LHX1: variants seen among roughly 807,000 people sequenced by gnomAD.
LHX1 encodes LIM/homeobox protein Lhx1.
LHX1 carries 9 observed loss-of-function variants against 34.1 expected under a neutral mutation model. That is an observed-to-expected ratio of 0.26 (90% CI 0.16 to 0.46). The LOEUF is 0.46. Among genes scored for constraint, LHX1 ranks in the 20% least tolerant of loss-of-function variants. LHX1 has a pLI of 1.00. For synonymous variants in LHX1, 254 were observed against 241.5 expected (o/e 1.05, Z -0.48); for missense variants, 446 against 559.1 (o/e 0.80, Z 2.04).
At position 36,940,379 on chromosome 17, in the gene LHX1, A is replaced by G; in HGVS notation, c.260A>G (p.Asn87Ser). Residue 87 changes from asparagine (N) to serine (S), a missense_variant, in exon 2 of 5, where the codon AAC becomes AGC. This residue lies in a region of LHX1 where 168 missense variants were observed against 226.6 expected (regional missense o/e 0.74). Coordinates refer to ENST00000614239, the MANE Select transcript of LHX1 (RefSeq NM_005568.5). ...RRARSKVFHL[N>S]CFTCMMCNKQ... ...GCGCGGAGCAAAGTGTTTCACCTGA[A>G]CTGCTTCACCTGCATGATGTGTAAC... The G allele has an allele frequency of 6.2e-7, 1 of 1,612,988 alleles. No homozygotes were observed. The highest frequency in any genetic ancestry group is 2.2e-5 in the East Asian group (1 of 44,810).
At position 36,938,468 on chromosome 17, in the gene LHX1, AC is replaced by A. The variant is rs2070743885; in HGVS notation, c.170+102del. On this transcript the variant is annotated intron_variant, in intron 1 of 4. Coordinates refer to ENST00000614239, the MANE Select transcript of LHX1 (RefSeq NM_005568.5). ...GCGTGGCCTCGCTGCCCAGTTAGGA[AC>A]TGCTTCTAGAGAGGGCAGCCAAGTC... is the stretch of plus-strand genomic sequence containing the variant. 5 of 1,266,944 alleles carry A rather than the reference AC, an allele frequency of 3.9e-6. No individual in the cohort carries two copies. In the East Asian group the frequency reaches 1.2e-4, roughly 30 times the overall value. 78.5% of individuals were successfully genotyped at this position (1,266,944 alleles called of 1,614,324 possible).
chr17:36,943,416 G>A lies in LHX1; in HGVS notation c.*285G>A, dbSNP rs2070781642. 5.2e-6 allele frequency: 2 copies of A among 387,516 alleles called. No individual in the cohort carries two copies. The highest frequency in any genetic ancestry group is 4.1e-5 in the East Asian group (1 of 24,652). The allele number at this position is 387,516 out of a possible 1,614,324, so 24.0% of individuals were successfully genotyped here. On this transcript the variant is annotated 3_prime_UTR_variant, in exon 5 of 5. Transcript: ENST00000614239. The stretch of plus-strand genomic sequence containing the variant: ...CCAACTCCCACCTGGACCCGGATCC[G>A]TAGACAGACCCCGCGGGCGTGTGCG...
At chr17:36,941,312 C>T (rs1218464791) in intron 3 of LHX1, 2 of 381,664 alleles carry the variant, frequency 5.2e-6, no homozygotes. Flanking sequence ...GCAACTCCAA[C>T]TTTGTGATCG....
In LHX1 at chr17:36,940,732, C is replaced by T. The variant is rs755972632; in HGVS notation, c.520C>T (p.Gln174Ter). Residue 174 changes from glutamine (Q) to a stop codon, truncating the protein, a stop_gained, in exon 3 of 5, where the codon CAG (glutamine) becomes TAG (stop). Coordinates refer to ENST00000614239, the MANE Select transcript of LHX1 (RefSeq NM_005568.5). LOFTEE classifies it high-confidence loss of function. ...AGCGGGTAGCAACGAGAATGACGAC[C>T]AGAACCTGGGCGCCAAGCGGCGGGG... ...KEAGSNENDDQNLGAKRRGPR... is the reference protein window; with the variant it reads ...KEAGSNENDD 6.2e-7 allele frequency: 1 copy of T among 1,613,760 alleles called. No homozygotes were observed. Among genetic ancestry groups the T allele is most frequent in the Non-Finnish European group, 8.5e-7 (1 of 1,180,050 alleles).
At chr17:36,941,780 T>A (rs957161267) in intron 3 of LHX1, among the ~76,000 whole-genome samples, 1 of 152,182 alleles carries the variant, frequency 6.6e-6, no homozygotes, top group African/African-American at 2.4e-5. Context: ...TCATAGGCTG[T>A]TTCTGTGTCT....
rs754443317 is a variant in LHX1, at chr17:36,940,744, G to T, written c.532G>T (p.Ala178Ser). 1.2e-6 allele frequency: 2 copies of T among 1,613,678 alleles called. No individual in the cohort carries two copies. Among genetic ancestry groups the T allele is most frequent in the Non-Finnish European group, 1.7e-6 (2 of 1,180,040 alleles). ...CGAGAATGACGACCAGAACCTGGGC[G>T]CCAAGCGGCGGGGACCGCGCACCAC... ...SNENDDQNLG[A>S]KRRGPRTTIK... Residue 178 changes from alanine to serine, a missense_variant, in exon 3 of 5, where the codon GCC becomes TCC. Physicochemically the swap from Ala to Ser is moderately conservative, Grantham distance 99. Coordinates refer to ENST00000614239, the MANE Select transcript of LHX1 (RefSeq NM_005568.5).
intron 1 of LHX1, 77 bp downstream of exon 1, chr17:36,938,444 C>T (rs931058049): frequency 2.1e-6 from 3 of 1,453,296 alleles, no homozygotes; most frequent in East Asian, 2.3e-5. Flanking sequence ...CAGAGGTTAG[C>T]GTGGCCTCGC....
In LHX1 at chr17:36,937,648, AG is replaced by A. The variant is rs2070735776; in HGVS notation, c.-549del. On this transcript the variant is annotated 5_prime_UTR_variant, in exon 1 of 5. Transcript: ENST00000614239. ...TTCTTTCCTTCCCTTTTTTAAAAAAAGAGGGGGGAAATCCCAGTGGTGGGCA... is the reference window on the plus strand; with the variant it reads ...TTCTTTCCTTCCCTTTTTTAAAAAAAAGGGGGGAAATCCCAGTGGTGGGCA... The A allele has an allele frequency of 2.9e-6, 1 of 345,098 alleles. No individual in the cohort carries two copies. The allele number at this position is 345,098 out of a possible 1,614,324, so 21.4% of individuals were successfully genotyped here. A position where few individuals can be genotyped will look rare whatever the true frequency, so the allele number is the denominator to read the frequency against.
chr17:36,938,144 G>A lies in LHX1; in HGVS notation c.-54G>A. On this transcript the variant is annotated 5_prime_UTR_variant, in exon 1 of 5. Coordinates refer to ENST00000614239, the MANE Select transcript of LHX1 (RefSeq NM_005568.5). ...GATTGTCTTCAGGAGTCATCCCCTG[G>A]GCTCTACTTTGCCCCTCTCTCTCTC... is the stretch of plus-strand genomic sequence containing the variant. 1 of 1,574,268 alleles carries A rather than the reference G, an allele frequency of 6.4e-7. No individual in the cohort carries two copies. The highest frequency in any genetic ancestry group is 8.7e-7 in the Non-Finnish European group (1 of 1,145,834).
chr17:36,943,192 A>T lies in LHX1; in HGVS notation c.*61A>T. The T allele has an allele frequency of 7.2e-7, 1 of 1,386,830 alleles. No individual in the cohort carries two copies. 85.9% of individuals were successfully genotyped at this position (1,386,830 alleles called of 1,614,324 possible). On this transcript the variant is annotated 3_prime_UTR_variant, in exon 5 of 5. Coordinates refer to ENST00000614239, the MANE Select transcript of LHX1 (RefSeq NM_005568.5). ...ACAGAAATGAACCTTTATTTAAGAA[A>T]AATAGAAAAAAAAAAACATAAAAAG...
In LHX1 at chr17:36,937,650, AG is replaced by A. The variant is rs1277828309; in HGVS notation, c.-542del. 2.9e-5 allele frequency: 10 copies of A among 345,486 alleles called. No individual in the cohort carries two copies. Among genetic ancestry groups the A allele is most frequent in the Non-Finnish European group, 4.6e-5 (8 of 174,966 alleles). The allele number at this position is 345,486 out of a possible 1,614,324, so 21.4% of individuals were successfully genotyped here. A position where few individuals can be genotyped will look rare whatever the true frequency, so the allele number is the denominator to read the frequency against. ...CTTTCCTTCCCTTTTTTAAAAAAAG[AG>A]GGGGGAAATCCCAGTGGTGGGCAGC... On this transcript the variant is annotated 5_prime_UTR_variant, in exon 1 of 5. Coordinates refer to ENST00000614239, the MANE Select transcript of LHX1 (RefSeq NM_005568.5).
chr17:36,938,059 G>T lies in LHX1; in HGVS notation c.-139G>T, dbSNP rs912442807. The stretch of plus-strand genomic sequence containing the variant: ...ACCCTACTTTGATTTCCTGGTGCGA[G>T]TTTTGGCTTGCACGGCCGAGTGTGT... On this transcript the variant is annotated 5_prime_UTR_variant, in exon 1 of 5. Coordinates refer to ENST00000614239, the MANE Select transcript of LHX1 (RefSeq NM_005568.5). 27 of 806,868 alleles carry T rather than the reference G, an allele frequency of 3.3e-5. No homozygotes were observed. The African/African-American group carries it at 4.6e-4, about 14-fold the overall frequency. 50.0% of individuals were successfully genotyped at this position (806,868 alleles called of 1,614,324 possible).
intron 1 of LHX1, among the ~76,000 whole-genome samples, chr17:36,939,580 G>T (rs1484632770): frequency 6.6e-6 from 1 of 152,226 alleles, no homozygotes; most frequent in African/African-American, 2.4e-5. Flanking sequence ...ATCATAGCGG[G>T]AGGGTGGCAA....
rs1325106585 is a variant in LHX1 at position 36,942,849 on chromosome 17, C to T, written c.939C>T (p.Phe313=). 2.5e-6 allele frequency: 4 copies of T among 1,589,814 alleles called. No individual in the cohort carries two copies. Among genetic ancestry groups the T allele is most frequent in the South Asian group, 1.1e-5 (1 of 88,904 alleles). The change falls in exon 5 of 5, where the codon TTC becomes TTT. Residue 313 remains phenylalanine (F), a synonymous_variant. Transcript: ENST00000614239. ...SQAQTPVDLP[F]VPSSGPSGTP... ...CCCAGACACCAGTGGACCTACCCTT[C>T]GTGCCGTCATCTGGGCCGTCCGGGA...
At chr17:36,942,434 C>T (rs2070771821) in intron 4 of LHX1, 69 bp downstream of exon 4, 3 of 1,457,090 alleles carry the variant, frequency 2.1e-6, no homozygotes, top group Non-Finnish European at 2.8e-6. Flanking sequence ...GGTGGCAGCG[C>T]GGGGGGGCAC....
Position 36,943,766 on chromosome 17 carries a change from T to C in LHX1, c.*635T>C, listed in dbSNP as rs2142187901. The stretch of plus-strand genomic sequence containing the variant: ...TTTGCCAAAATTGCAAAATTCTAAA[T>C]GTAAAGCCCTCCGTATCAACTCTTC... On this transcript the variant is annotated 3_prime_UTR_variant, in exon 5 of 5. Transcript: ENST00000614239. The C allele has an allele frequency of 6.6e-6, 1 of 152,304 alleles. No homozygotes were observed. The highest frequency in any genetic ancestry group is 2.1e-4 in the South Asian group (1 of 4,826). 9.4% of individuals were successfully genotyped at this position (152,304 alleles called of 1,614,324 possible).
Position 36,938,382 on chromosome 17 carries a change from C to T in LHX1, c.170+15C>T. The T allele has an allele frequency of 1.9e-6, 3 of 1,613,434 alleles. No homozygotes were observed. Among genetic ancestry groups the T allele is most frequent in the Non-Finnish European group, 2.5e-6 (3 of 1,179,368 alleles). On this transcript the variant is annotated intron_variant, in intron 1 of 4. Coordinates refer to ENST00000614239, the MANE Select transcript of LHX1 (RefSeq NM_005568.5). The stretch of plus-strand genomic sequence containing the variant: ...GACTTCTTCCGGTGAGTACTTTCCT[C>T]CCACGCCTCTGCTGCTACCTCCCCG...
At chr17:36,938,395 T>A (rs1166231421) in intron 1 of LHX1, 28 bp downstream of exon 1, 3 of 1,611,140 alleles carry the variant, frequency 1.9e-6, no homozygotes, top group African/African-American at 2.7e-5. Context: ...ACGCCTCTGC[T>A]GCTACCTCCC....
At position 36,937,999 on chromosome 17, in the gene LHX1, C is replaced by G; in HGVS notation, c.-199C>G. ...TCCCCGGCTGCACACTTCACTGAGA[C>G]GCCCCCCCAGGCCCCGATCAGCCTC... On this transcript the variant is annotated 5_prime_UTR_variant, in exon 1 of 5. Coordinates refer to ENST00000614239, the MANE Select transcript of LHX1 (RefSeq NM_005568.5). The G allele has an allele frequency of 1.6e-6, 1 of 618,496 alleles. No individual in the cohort carries two copies. The highest frequency in any genetic ancestry group is 1.9e-5 in the South Asian group (1 of 51,666). 38.3% of individuals were successfully genotyped at this position (618,496 alleles called of 1,614,324 possible).
Sources: gnomAD v4.1 joint callset for allele counts (sites outside exome capture counted in the v4.1 genomes callset) on GRCh38, gnomAD v4.1.1 for gene constraint, gnomAD v4.1.1 regional missense constraint, MANE v1.5 for transcripts, NCBI Gene and HGNC (gene_info 2026-07-23, HGNC 2026-07-21) for gene names.